The following SPIN1 variants were observed in gnomAD, a reference collection of about 807,000 sequenced individuals.
SPIN1 encodes spindlin 1, also known as spindlin-1.
In SPIN1, 3 loss-of-function variants were observed where a neutral mutation model predicts 26.0. The ratio of observed to expected loss-of-function variants is 0.12; its 90% CI spans 0.05 to 0.30. The LOEUF (loss-of-function observed/expected upper bound fraction) is 0.30. Among genes scored for constraint, SPIN1 ranks in the 10% least tolerant of loss-of-function variants. SPIN1 has a pLI of 1.00. For missense variants in SPIN1, 126 were observed against 333.4 expected (o/e 0.38, Z 4.84); for synonymous variants, 101 against 116.5 (o/e 0.87, Z 0.86).
At chr9:88,426,725 C>T (rs1291525836) in intron 2 of SPIN1, 134 bp downstream of exon 2, 1 of 598,928 alleles carries the variant, frequency 1.7e-6, no homozygotes. Flanking sequence ...TACACATATG[C>T]ATATATTAAG....
chr9:88,472,789 C>T, intron 5 of SPIN1, among the ~76,000 whole-genome samples: 1 of 152,228 alleles, frequency 6.6e-6, no homozygotes, highest in Non-Finnish European at 1.5e-5. Context: ...GCGTCCGGCT[C>T]CACATTTCTT....
intron 2 of SPIN1, among the ~76,000 whole-genome samples, chr9:88,443,579 T>C (rs1017594428): frequency 6.6e-6 from 1 of 152,244 alleles, no homozygotes; most frequent in Non-Finnish European, 1.5e-5. Context: ...GTTCTGATGC[T>C]TGTTTTCTCT....
intron 1 of SPIN1, among the ~76,000 whole-genome samples, chr9:88,423,730 T>C: frequency 6.6e-6 from 1 of 151,172 alleles, no homozygotes; most frequent in South Asian, 2.1e-4. Flanking sequence ...TCATGTATTT[T>C]TTTTTTTTTT....
Position 88,475,927 on chromosome 9 carries a change from A to G in SPIN1, c.*650A>G, listed in dbSNP as rs550430343. Reference sequence around the variant, plus strand: ...CATTCAGCTTGTTTAAAAAAAAAAAATCAGAAGTTCAGAGCACCTTTTCAA... The same window carrying G: ...CATTCAGCTTGTTTAAAAAAAAAAAGTCAGAAGTTCAGAGCACCTTTTCAA... On this transcript the variant is annotated 3_prime_UTR_variant, in exon 6 of 6. Coordinates refer to ENST00000375859, the MANE Select transcript of SPIN1 (RefSeq NM_006717.3). 6.6e-6 allele frequency: 1 copy of G among 152,238 alleles called. No individual in the cohort carries two copies. The highest frequency in any genetic ancestry group is 6.5e-5 in the Admixed American group (1 of 15,286). 9.4% of individuals were successfully genotyped at this position (152,238 alleles called of 1,614,324 possible).
intron 1 of SPIN1, chr9:88,416,741 A>C (rs557937659): frequency 1.3e-5 from 2 of 152,424 alleles, no homozygotes; most frequent in South Asian, 4.1e-4. Context: ...CTCCTGCCTC[A>C]GCCTCCCGAG....
intron 2 of SPIN1, among the ~76,000 whole-genome samples, chr9:88,444,838 C>T (rs1828212468): frequency 6.6e-6 from 1 of 151,838 alleles, no homozygotes; most frequent in Admixed American, 6.6e-5. Context: ...CTACAGGTGA[C>T]CACCAGCACG....
chr9:88,457,513 G>T (rs1828494237), intron 3 of SPIN1, among the ~76,000 whole-genome samples: 2 of 152,208 alleles, frequency 1.3e-5, no homozygotes, highest in South Asian at 4.2e-4. Flanking sequence ...CTGGGTGACT[G>T]AGTGAGACTC....
intron 3 of SPIN1, among the ~76,000 whole-genome samples, chr9:88,459,378 T>C (rs1453829625): frequency 1.3e-5 from 2 of 152,226 alleles, no homozygotes; most frequent in Non-Finnish European, 2.9e-5. Flanking sequence ...CTAGAGATTA[T>C]GCAGATGTCT....
At chr9:88,474,996 A>G (rs943924925) in intron 5 of SPIN1, 82 bp from the exon 6 acceptor site, 1 of 1,300,122 alleles carries the variant, frequency 7.7e-7, no homozygotes, top group African/African-American at 1.5e-5. Flanking sequence ...GAAAATAAAT[A>G]TGTGAGTTGA....
intron 3 of SPIN1, among the ~76,000 whole-genome samples, chr9:88,450,637 A>G (rs962054611): frequency 6.6e-6 from 1 of 152,210 alleles, no homozygotes; most frequent in African/African-American, 2.4e-5. Flanking sequence ...CTCATCCTAT[A>G]TGTTCCACAT....
At chr9:88,468,245 T>A in intron 4 of SPIN1, 127 bp from the exon 5 acceptor site, 1 of 586,834 alleles carries the variant, frequency 1.7e-6, no homozygotes, top group South Asian at 3.4e-5. Context: ...TTTCCCAGAT[T>A]CTGATGCTTG....
At chr9:88,457,035 GA>G (rs1369264493) in intron 3 of SPIN1, among the ~76,000 whole-genome samples, 3 of 152,140 alleles carry the variant, frequency 2.0e-5, no homozygotes, top group Non-Finnish European at 4.4e-5. Flanking sequence ...TCTTCAAGAT[GA>G]AAAGTATGAC....
chr9:88,432,904 C>A (rs1164543777), intron 2 of SPIN1, among the ~76,000 whole-genome samples: 2 of 152,032 alleles, frequency 1.3e-5, no homozygotes, highest in African/African-American at 4.8e-5. Context: ...TTCCCTCTTC[C>A]TCCCCCATTT....
intron 1 of SPIN1, chr9:88,410,600 G>T: frequency 1.1e-6 from 1 of 923,452 alleles, no homozygotes; most frequent in Non-Finnish European, 1.8e-6. Context: ...TGGTTTCATG[G>T]TTTGGCATAG....
intron 2 of SPIN1, among the ~76,000 whole-genome samples, chr9:88,427,146 T>C (rs2118026077): frequency 6.6e-6 from 1 of 152,296 alleles, no homozygotes; most frequent in East Asian, 1.9e-4. Flanking sequence ...ATAAAATAGG[T>C]AAGTCATACT....
chr9:88,445,107 G>C (rs1828219570), intron 2 of SPIN1, among the ~76,000 whole-genome samples: 1 of 152,246 alleles, frequency 6.6e-6, no homozygotes, highest in Non-Finnish European at 1.5e-5. Flanking sequence ...ACTCAGCACT[G>C]AGTACATCCA....
chr9:88,462,793 A>T, intron 4 of SPIN1, 44 bp downstream of exon 4: 1 of 1,530,992 alleles, frequency 6.5e-7, no homozygotes. Flanking sequence ...TTTAAAAATG[A>T]TATTGAACTG....
chr9:88,422,036 G>A (rs747192208), intron 1 of SPIN1, among the ~76,000 whole-genome samples: 4 of 152,038 alleles, frequency 2.6e-5, no homozygotes, highest in Non-Finnish European at 4.4e-5. Context: ...TTTCAATTCC[G>A]TTGTAGTGAA....
chr9:88,473,160 A>G (rs951000238), intron 5 of SPIN1, among the ~76,000 whole-genome samples: 2 of 152,162 alleles, frequency 1.3e-5, no homozygotes, highest in African/African-American at 4.8e-5. Flanking sequence ...TGGGAGGCCG[A>G]GGCGGGCGGA....
Sources: allele counts gnomAD v4.1 joint callset (sites outside exome capture counted in the v4.1 genomes callset), GRCh38; gene constraint gnomAD v4.1.1; transcripts MANE v1.5; gene names NCBI Gene and HGNC (gene_info 2026-07-23, HGNC 2026-07-21).